WASHC5: variants seen among roughly 807,000 people sequenced by gnomAD.
WASHC5 encodes WASH complex subunit 5, also known as WASH complex subunit strumpellin.
A neutral mutation model predicts 150.4 loss-of-function variants in WASHC5; 101 were observed. That is an observed-to-expected ratio of 0.67 (90% CI 0.57 to 0.79). WASHC5 has a LOEUF of 0.79. Ranked by LOEUF, WASHC5 falls within the 30% of genes least tolerant of loss-of-function variation. WASHC5 has a pLI of 0.00. For synonymous variants in WASHC5, 467 were observed against 491.2 expected (o/e 0.95, Z 0.65); for missense variants, 1,195 against 1,396.3 (o/e 0.86, Z 2.30).
chr8:125,037,539 C>T (rs140915700), intron 25 of WASHC5, among the ~76,000 whole-genome samples: 2 of 152,248 alleles, frequency 1.3e-5, no homozygotes, highest in East Asian at 3.9e-4. Flanking sequence ...CATAATTTGC[C>T]CTTCTGGGAA....
At chr8:125,091,520 G>A (rs573095929) in intron 1 of WASHC5, 95 bp downstream of exon 1, 17 of 152,516 alleles carry the variant, frequency 1.1e-4, no homozygotes, top group African/African-American at 4.1e-4. Flanking sequence ...CAGGCTGCAC[G>A]CGACTCTGCA....
At chr8:125,046,142 C>T (rs894212776) in intron 20 of WASHC5, among the ~76,000 whole-genome samples, 1 of 152,190 alleles carries the variant, frequency 6.6e-6, no homozygotes, top group Non-Finnish European at 1.5e-5. Context: ...ACTACACGTG[C>T]CTGGGTGGTC....
At chr8:125,059,340 T>C in intron 13 of WASHC5, 36 bp downstream of exon 13, 12 of 1,613,870 alleles carry the variant, frequency 7.4e-6, no homozygotes, top group Non-Finnish European at 1.0e-5. Context: ...TCCTAGGGCC[T>C]TTCATCTACA....
chr8:125,035,452 A>G (rs573524675), intron 26 of WASHC5, among the ~76,000 whole-genome samples: 1 of 152,374 alleles, frequency 6.6e-6, no homozygotes, highest in Non-Finnish European at 1.5e-5. Context: ...GAATAATAAC[A>G]TAGAACAGAG....
intron 9 of WASHC5, among the ~76,000 whole-genome samples, chr8:125,071,354 T>A (rs1215847942): frequency 6.6e-6 from 1 of 152,122 alleles, no homozygotes; most frequent in African/African-American, 2.4e-5. Context: ...TTTCTCACAA[T>A]CTGAACTTGA....
intron 5 of WASHC5, among the ~76,000 whole-genome samples, chr8:125,080,174 G>C (rs145558263): frequency 2.7e-3 from 406 of 152,246 alleles, no homozygotes; most frequent in African/African-American, 8.9e-3. Context: ...GAAGTGTTCA[G>C]TGTCACTTCA....
chr8:125,084,323 C>A (rs1310753112), intron 1 of WASHC5, among the ~76,000 whole-genome samples: 1 of 152,136 alleles, frequency 6.6e-6, no homozygotes, highest in East Asian at 1.9e-4. Flanking sequence ...TTCCAATGTA[C>A]CCTGATTATA....
chr8:125,030,194 T>C (rs566906957), intron 27 of WASHC5, among the ~76,000 whole-genome samples: 19 of 152,308 alleles, frequency 1.2e-4, no homozygotes, highest in Admixed American at 7.8e-4. Context: ...GACAGCCAGT[T>C]GTGTGGAGGT....
chr8:125,050,000 A>T (rs1816192255), intron 18 of WASHC5, among the ~76,000 whole-genome samples: 1 of 151,302 alleles, frequency 6.6e-6, no homozygotes, highest in African/African-American at 2.5e-5. Context: ...TTGGGAAGGA[A>T]GCCTCATATA....
intron 20 of WASHC5, chr8:125,044,925 T>C (rs1049032902): frequency 1.8e-6 from 1 of 559,986 alleles, no homozygotes; most frequent in South Asian, 2.0e-5. Context: ...TGCCATATCA[T>C]TGGTTTCAGT....
At chr8:125,028,561 C>T in intron 28 of WASHC5, 59 bp downstream of exon 28, 1 of 1,251,114 alleles carries the variant, frequency 8.0e-7, no homozygotes. Context: ...AATCCAGGGC[C>T]ACTATTATTA....
In WASHC5 at chr8:125,073,584, C is replaced by T. The variant is rs1217811857; in HGVS notation, c.979-260G>A. Among the ~76,000 whole-genome samples the T allele has an allele frequency of 3.9e-5, 6 of 151,970 alleles. No homozygotes were observed. In the East Asian group the frequency reaches 1.2e-3, roughly 29 times the overall value. On this transcript the variant is annotated intron_variant, in intron 8 of 28. Coordinates refer to ENST00000318410, the MANE Select transcript of WASHC5 (RefSeq NM_014846.4). Reference sequence around the variant, plus strand: ...ATGGACTACAGTTATAGGGCTCAAACATTAACATTTTTATGTAATTTCTAT... The same window carrying T: ...ATGGACTACAGTTATAGGGCTCAAATATTAACATTTTTATGTAATTTCTAT...
chr8:125,067,659 C>T lies in WASHC5; in HGVS notation c.1211G>A (p.Arg404Gln), dbSNP rs753133551. 3.3e-5 allele frequency: 53 copies of T among 1,613,386 alleles called. No homozygotes were observed. Among genetic ancestry groups the T allele is most frequent in the Non-Finnish European group, 4.0e-5 (47 of 1,179,608 alleles). ...QIKDQILTDS[R>Q]YNPRILFQLL... ...CTGGAAGAGGATCCTGGGATTGTAC[C>T]GAGAGTCTGTTAGAATCTGGTCCTT... The change falls in exon 10 of 29, where the codon CGG (arginine) becomes CAG (glutamine). Residue 404 changes from arginine (R) to glutamine (Q), a missense_variant. By Grantham distance (43) the Arg-to-Gln change is conservative. Around this residue, in one of 3 missense-constraint regions of WASHC5, gnomAD observed 997 missense variants for 1,168.1 expected, o/e 0.85. Coordinates refer to ENST00000318410, the MANE Select transcript of WASHC5 (RefSeq NM_014846.4).
chr8:125,039,316 G>A (rs2129993649), intron 24 of WASHC5, among the ~76,000 whole-genome samples: 1 of 152,298 alleles, frequency 6.6e-6, no homozygotes, highest in African/African-American at 2.4e-5. Flanking sequence ...TTGCTGGTGA[G>A]GCGGAGGATA....
intron 27 of WASHC5, among the ~76,000 whole-genome samples, chr8:125,030,614 G>T (rs1357890725): frequency 6.9e-6 from 1 of 145,008 alleles, no homozygotes; most frequent in Admixed American, 7.0e-5. Flanking sequence ...CTCCAACCTG[G>T]GCGACAGAGC....
chr8:125,039,899 C>T lies in WASHC5; in HGVS notation c.2851-1G>A, dbSNP rs1280916224. ...GTCTCAGAATCTGCATCTGCCCAAC[C>T]TGTGCACAAGCAAGAGAAAGAACAG... On this transcript the variant is annotated splice_acceptor_variant, in intron 23 of 28. Coordinates refer to ENST00000318410, the MANE Select transcript of WASHC5 (RefSeq NM_014846.4). LOFTEE classifies it high-confidence loss of function. The T allele has an allele frequency of 6.2e-7, 1 of 1,606,480 alleles. No individual in the cohort carries two copies. The highest frequency in any genetic ancestry group is 8.5e-7 in the Non-Finnish European group (1 of 1,173,792).
At chr8:125,032,831 A>G (rs1005818858) in intron 26 of WASHC5, 1 of 219,260 alleles carries the variant, frequency 4.6e-6, no homozygotes, top group African/African-American at 2.4e-5. Context: ...AATGTTGAGT[A>G]ATATATATAC....
intron 9 of WASHC5, among the ~76,000 whole-genome samples, chr8:125,069,618 CATCTTATA>C (rs1816845723): frequency 6.6e-6 from 1 of 152,126 alleles, no homozygotes; most frequent in East Asian, 1.9e-4. Flanking sequence ...TGTGGAAGGT[CATCTTATA>C]TGCTGATTTC....
In WASHC5 at chr8:125,047,411, G is replaced by A. The variant is rs1816100507; in HGVS notation, c.2380-80C>T. On this transcript the variant is annotated intron_variant, in intron 19 of 28. Coordinates refer to ENST00000318410, the MANE Select transcript of WASHC5 (RefSeq NM_014846.4). ...TCCCTTTTCCATATAATTTTACAAAGATAATATTGCATAAAGAGTGACAAT... is the reference window on the plus strand; with the variant it reads ...TCCCTTTTCCATATAATTTTACAAAAATAATATTGCATAAAGAGTGACAAT... 1.5e-5 allele frequency: 20 copies of A among 1,365,364 alleles called. No homozygotes were observed. In the South Asian group the frequency reaches 2.4e-4, roughly 16 times the overall value. 84.6% of individuals were successfully genotyped at this position (1,365,364 alleles called of 1,614,324 possible). A position where few individuals can be genotyped will look rare whatever the true frequency, so the allele number is the denominator to read the frequency against.
Sources: gnomAD v4.1 joint callset for allele counts (sites outside exome capture counted in the v4.1 genomes callset) on GRCh38, gnomAD v4.1.1 for gene constraint, gnomAD v4.1.1 regional missense constraint, MANE v1.5 for transcripts, NCBI Gene and HGNC (gene_info 2026-07-23, HGNC 2026-07-21) for gene names.